The following SCART1 variants were observed in gnomAD, a reference collection of about 807,000 sequenced individuals.
SCART1 encodes scavenger receptor cysteine-rich domain-containing protein SCART1.
SCART1 carries 62 observed loss-of-function variants against 36.2 expected under a neutral mutation model. The ratio of observed to expected loss-of-function variants is 1.71; its 90% CI spans 1.40 to 2.12. The LOEUF (loss-of-function observed/expected upper bound fraction) is 2.12, where lower values mean the gene tolerates loss of function less well. SCART1 is among the 30% of genes most tolerant of loss of function. SCART1 has a pLI of 0.00. For missense variants in SCART1, 1,041 were observed against 540.5 expected (o/e 1.93, Z -9.18); for synonymous variants, 487 against 238.7 (o/e 2.04, Z -9.59).
In SCART1 at chr10:133,459,632, C is replaced by A; in HGVS notation, c.1431C>A (p.Cys477Ter). The A allele has an allele frequency of 1.5e-6, 1 of 678,704 alleles. No individual in the cohort carries two copies. Among genetic ancestry groups the A allele is most frequent in the Non-Finnish European group, 2.7e-6 (1 of 371,414 alleles). The allele number at this position is 678,704 out of a possible 1,614,324, so 42.0% of individuals were successfully genotyped here. Residue 477 changes from cysteine (C) to a stop codon, truncating the protein, a stop_gained, in exon 6 of 12, where the codon TGC (cysteine) becomes TGA (stop). Coordinates refer to ENST00000640237, the Ensembl canonical transcript of SCART1. LOFTEE classifies it high-confidence loss of function. ...GCGTGGTGTGCCGGCAACTCGGGTG[C>A]AGAGGGGCCCAGCAAGCCTATGACG...
intron 1 of SCART1, 42 bp downstream of exon 1, chr10:133,454,106 A>C (rs1482179912): frequency 5.7e-6 from 4 of 702,252 alleles, no homozygotes; most frequent in Non-Finnish European, 1.0e-5. Context: ...TTCTGGAGGC[A>C]TCAGCTCTGT....
intron 1 of SCART1, among the ~76,000 whole-genome samples, chr10:133,454,537 G>A (rs556034091): frequency 3.7e-4 from 57 of 152,244 alleles, no homozygotes; most frequent in Admixed American, 9.8e-4. Context: ...ATGTGGAAGG[G>A]CTGCTGGGTC....
Position 133,454,174 on chromosome 10 carries a change from C to G in SCART1, c.67+110C>G. On this transcript the variant is annotated intron_variant, in intron 1 of 11. Transcript: ENST00000640237. ...GCAGTGACCTGCCGTCTGCCTGGGT[C>G]TCACTCAGCCCAGAGTGGGTGGGAC... 8 of 687,264 alleles carry G rather than the reference C, an allele frequency of 1.2e-5. No individual in the cohort carries two copies. The South Asian group carries it at 1.2e-4, about 11-fold the overall frequency. The allele number at this position is 687,264 out of a possible 1,614,324, so 42.6% of individuals were successfully genotyped here. A position where few individuals can be genotyped will look rare whatever the true frequency, so the allele number is the denominator to read the frequency against.
exon 5 of SCART1, chr10:133,459,065 G>A (rs751814745): frequency 1.4e-6 from 1 of 700,960 alleles, no homozygotes; most frequent in South Asian, 1.5e-5. Flanking sequence ...GGGCCGCGTG[G>A]AGTTCCAGGT....
At chr10:133,459,393 G>C (rs760149387) in intron 5 of SCART1, 67 bp downstream of exon 5, 15 of 614,144 alleles carry the variant, frequency 2.4e-5, no homozygotes, top group Non-Finnish European at 4.4e-5. Context: ...GTGCAAGGAA[G>C]GACAGAGGGG....
downstream of SCART1, among the ~76,000 whole-genome samples, chr10:133,469,702 C>T (rs540955718): frequency 6.6e-6 from 1 of 152,154 alleles, no homozygotes; most frequent in African/African-American, 2.4e-5. Context: ...TGTAACAAAC[C>T]TGCACATTCT....
intron 6 of SCART1, among the ~76,000 whole-genome samples, chr10:133,462,710 C>T (rs902673066): frequency 9.9e-5 from 15 of 152,140 alleles, no homozygotes; most frequent in Non-Finnish European, 1.5e-5. Context: ...AGCCTTGCTT[C>T]GGGGCCCTGG....
chr10:133,457,833 A>C, intron 3 of SCART1: 1 of 548,952 alleles, frequency 1.8e-6, no homozygotes, highest in Non-Finnish European at 3.2e-6. Flanking sequence ...TGCCGCTGCA[A>C]GTCTGAGCTG....
chr10:133,468,047 C>A, exon 12 of SCART1: 1 of 606,216 alleles, frequency 1.6e-6, no homozygotes, highest in Non-Finnish European at 3.0e-6. Context: ...TAGTGGATTT[C>A]GTGAGAACAC....
At chr10:133,456,198 T>C (rs1850608486) in intron 1 of SCART1, 39 bp from the exon 2 acceptor site, 2 of 680,136 alleles carry the variant, frequency 2.9e-6, no homozygotes, top group African/African-American at 3.5e-5. Context: ...GCGCCTCTGG[T>C]TGGTTCTGGC....
chr10:133,468,832 T>C (rs1278912704), exon 12 of SCART1: 2 of 152,226 alleles, frequency 1.3e-5, no homozygotes, highest in Non-Finnish European at 2.9e-5. Context: ...AGGAATTAGT[T>C]TGGTAATATG....
At chr10:133,467,612 G>A (rs1262958893) in intron 11 of SCART1, among the ~76,000 whole-genome samples, 6 of 152,150 alleles carry the variant, frequency 3.9e-5, no homozygotes, top group South Asian at 2.1e-4. Flanking sequence ...GCTGGGAGCC[G>A]CGGGTCTGGC....
rs571650048 is a variant in SCART1, at chr10:133,459,926, C to G, written c.1725C>G (p.Gly575=). 1.8e-3 allele frequency: 961 copies of G among 539,334 alleles called. 13 individuals carry two copies. Among genetic ancestry groups the G allele is most frequent in the African/African-American group, 0.017 (849 of 49,388 alleles). The allele number at this position is 539,334 out of a possible 1,614,324, so 33.4% of individuals were successfully genotyped here. Residue 575 remains glycine, a synonymous_variant, in exon 6 of 12, where the codon GGC becomes GGG. Transcript: ENST00000640237. ...GCGGGGCCGGGGCGCTGCACGGGGG[C>G]GCGTGGGGCACCGTGTGTGACGATG...
chr10:133,469,239 C>T (rs1202780753), downstream of SCART1: 1 of 152,066 alleles, frequency 6.6e-6, no homozygotes, highest in Non-Finnish European at 1.5e-5. Context: ...TTGCTTTTAC[C>T]TTGTAAATTT....
exon 5 of SCART1, chr10:133,459,125 G>A (rs1303843009): frequency 1.4e-6 from 1 of 702,892 alleles, no homozygotes; most frequent in East Asian, 2.7e-5. Context: ...CATAGCAGAT[G>A]CCACCGTCCT....
chr10:133,459,549 TC>T lies in SCART1; in HGVS notation c.1351del (p.Leu451TrpfsTer48). ...CCGCTGTGACGGCCGCGTGGAGGTCTCCCTGGATGGCGTGTGGGGCCGCGTC... is the reference window on the plus strand; with the variant it reads ...CCGCTGTGACGGCCGCGTGGAGGTCTCCTGGATGGCGTGTGGGGCCGCGTC... On this transcript the variant is annotated frameshift_variant, in exon 6 of 12. Coordinates refer to ENST00000640237, the Ensembl canonical transcript of SCART1. LOFTEE classifies it high-confidence loss of function. 1.5e-6 allele frequency: 1 copy of T among 682,666 alleles called. No individual in the cohort carries two copies. Among genetic ancestry groups the T allele is most frequent in the Non-Finnish European group, 2.7e-6 (1 of 375,350 alleles). The allele number at this position is 682,666 out of a possible 1,614,324, so 42.3% of individuals were successfully genotyped here.
chr10:133,463,222 A>T (rs1850723114), intron 6 of SCART1, among the ~76,000 whole-genome samples: 1 of 152,146 alleles, frequency 6.6e-6, no homozygotes, highest in Non-Finnish European at 1.5e-5. Context: ...ACACACACAC[A>T]CACAGACACA....
At chr10:133,458,046 T>C (rs1850641598) in intron 3 of SCART1, 1 of 589,200 alleles carries the variant, frequency 1.7e-6, no homozygotes, top group Non-Finnish European at 3.0e-6. Context: ...GACCAAGGGG[T>C]GCCCTGACCT....
intron 6 of SCART1, among the ~76,000 whole-genome samples, chr10:133,463,100 T>G (rs1589936095): frequency 6.6e-6 from 1 of 152,294 alleles, no homozygotes; most frequent in South Asian, 2.1e-4. Context: ...TAACATGCCA[T>G]TAGGTGACCA....
Sources: gnomAD v4.1 joint callset for allele counts (sites outside exome capture counted in the v4.1 genomes callset) on GRCh38, gnomAD v4.1.1 for gene constraint, MANE v1.5 for transcripts, NCBI Gene and HGNC (gene_info 2026-07-23, HGNC 2026-07-21) for gene names.